C3orf49: variants seen among roughly 807,000 people sequenced by gnomAD.
C3orf49 encodes the protein putative uncharacterized protein C3orf49.
Under a neutral mutation model 13.3 loss-of-function variants are expected in C3orf49, and 27 were observed. The ratio of observed to expected loss-of-function variants is 2.02; its 90% CI spans 1.49 to 2.79. The LOEUF is 2.79. C3orf49 is among the 30% of genes most tolerant of loss of function. The pLI, the probability that C3orf49 is intolerant of heterozygous loss-of-function variation, is 0.00. For missense variants in C3orf49, 242 were observed against 134.2 expected (o/e 1.80, Z -3.97); for synonymous variants, 87 against 47.6 (o/e 1.83, Z -3.40).
chr3:63,836,460 T>G, intron 5 of C3orf49: 1 of 1,057,350 alleles, frequency 9.5e-7, no homozygotes, highest in Non-Finnish European at 1.4e-6. Flanking sequence ...ACTTTCCTAG[T>G]ACATCAAGAA....
the C3orf49 span, among the ~76,000 whole-genome samples, chr3:63,791,307 A>G: frequency 1.3e-5 from 2 of 152,228 alleles, no homozygotes; most frequent in African/African-American, 4.8e-5. Flanking sequence ...GTTAGTTACC[A>G]TATTAGGAAA....
chr3:63,791,554 G>A, the C3orf49 span, among the ~76,000 whole-genome samples: 1 of 152,074 alleles, frequency 6.6e-6, no homozygotes, highest in Non-Finnish European at 1.5e-5. Flanking sequence ...GAATGCCTAG[G>A]GAGCTTTTAA....
At chr3:63,826,463 A>T (rs1305062594) in intron 2 of C3orf49, among the ~76,000 whole-genome samples, 3 of 152,078 alleles carry the variant, frequency 2.0e-5, no homozygotes, top group African/African-American at 4.8e-5. Flanking sequence ...AGAGGGAAAA[A>T]TTTCTGGATT....
intron 5 of C3orf49, chr3:63,837,942 T>G (rs768857607): frequency 6.4e-7 from 1 of 1,572,552 alleles, no homozygotes; most frequent in East Asian, 2.3e-5. Flanking sequence ...TCAGTAATAA[T>G]GTATTTGCAC....
chr3:63,800,980 C>T, the C3orf49 span, among the ~76,000 whole-genome samples: 6 of 152,128 alleles, frequency 3.9e-5, no homozygotes, highest in South Asian at 1.0e-3. Context: ...TAAGCAAATG[C>T]TCATCAAGTG....
chr3:63,796,508 T>C, the C3orf49 span, among the ~76,000 whole-genome samples: 1 of 152,176 alleles, frequency 6.6e-6, no homozygotes, highest in Admixed American at 6.6e-5. Flanking sequence ...TCACTATCTT[T>C]GTGGTGCCTT....
intron 3 of C3orf49, among the ~76,000 whole-genome samples, chr3:63,828,356 G>C (rs1425603898): frequency 6.6e-6 from 1 of 152,194 alleles, no homozygotes; most frequent in Non-Finnish European, 1.5e-5. Flanking sequence ...CTGGAGTGCA[G>C]TGGCACAATT....
chr3:63,834,741 C>G (rs969497549), intron 5 of C3orf49, among the ~76,000 whole-genome samples: 1 of 151,980 alleles, frequency 6.6e-6, no homozygotes, highest in Non-Finnish European at 1.5e-5. Context: ...AAAATTTCCA[C>G]TTGCCTATAG....
At position 63,827,600 on chromosome 3, in the gene C3orf49, G is replaced by A. The variant is rs1192872778; in HGVS notation, c.446-1G>A. ...GATTCCTTTTTCCCCCTTTCTTGAAGCGACTATACAACTTGATGTTGTAGA... is the reference window on the plus strand; with the variant it reads ...GATTCCTTTTTCCCCCTTTCTTGAAACGACTATACAACTTGATGTTGTAGA... On this transcript the variant is annotated splice_acceptor_variant, in intron 2 of 6. Transcript: ENST00000295896. LOFTEE classifies it high-confidence loss of function. The A allele has an allele frequency of 7.1e-6, 5 of 700,418 alleles. No homozygotes were observed. The highest frequency in any genetic ancestry group is 6.1e-5 in the Admixed American group (3 of 49,388). The allele number at this position is 700,418 out of a possible 1,614,324, so 43.4% of individuals were successfully genotyped here.
At chr3:63,824,351 G>A (rs904712417) in intron 2 of C3orf49, among the ~76,000 whole-genome samples, 1 of 152,150 alleles carries the variant, frequency 6.6e-6, no homozygotes, top group African/African-American at 2.4e-5. Context: ...TGAATAAAAT[G>A]TATAACTGGT....
rs781553885 is a variant in C3orf49 at position 63,846,220 on chromosome 3, G to GA, written c.*30+1144dup. 1.5e-3 allele frequency: 674 copies of GA among 449,880 alleles called. 2 individuals are homozygous for GA. The highest frequency in any genetic ancestry group is 5.5e-3 in the South Asian group (347 of 63,550). The allele number at this position is 449,880 out of a possible 1,614,324, so 27.9% of individuals were successfully genotyped here. Reference sequence around the variant, plus strand: ...TTTGTCTGAATTGCCTTTCTTCCCTGAAAAAAGCAGTTAAACAGTTTCCTT... The same window carrying GA: ...TTTGTCTGAATTGCCTTTCTTCCCTGAAAAAAAGCAGTTAAACAGTTTCCTT... On this transcript the variant is annotated intron_variant, in intron 6 of 6. Transcript: ENST00000295896.
intron 5 of C3orf49, chr3:63,837,960 C>T (rs1701669102): frequency 6.3e-7 from 1 of 1,599,314 alleles, no homozygotes; most frequent in Non-Finnish European, 8.5e-7. Context: ...CACATTAAAT[C>T]CCTCAAAACC....
chr3:63,785,531 A>C, the C3orf49 span, among the ~76,000 whole-genome samples: 7 of 152,318 alleles, frequency 4.6e-5, no homozygotes, highest in Admixed American at 2.0e-4. Flanking sequence ...TGCAGAACAT[A>C]TGACTGAAAA....
the C3orf49 span, among the ~76,000 whole-genome samples, chr3:63,789,789 C>T: frequency 6.9e-4 from 85 of 122,938 alleles, no homozygotes; most frequent in African/African-American, 1.8e-3. Flanking sequence ...CTAGCCTGGG[C>T]GACAGAGCAA....
intron 5 of C3orf49, 119 bp downstream of exon 5, chr3:63,831,963 G>A (rs938838268): frequency 1.0e-5 from 6 of 587,636 alleles, no homozygotes; most frequent in African/African-American, 9.5e-5. Context: ...GGGAGGCCGA[G>A]CGAGTGGATC....
At chr3:63,780,005 T>A in the C3orf49 span, 1 of 152,226 alleles carries the variant, frequency 6.6e-6, no homozygotes, top group Non-Finnish European at 1.5e-5. Context: ...GTTTTTTAAT[T>A]ATACTTTAAG....
intron 2 of C3orf49, among the ~76,000 whole-genome samples, chr3:63,825,446 T>A (rs1701454596): frequency 6.6e-6 from 1 of 152,226 alleles, no homozygotes; most frequent in Non-Finnish European, 1.5e-5. Context: ...AGCTGTATAT[T>A]TCTGTTGAAA....
At chr3:63,796,280 C>T in the C3orf49 span, among the ~76,000 whole-genome samples, 10 of 152,058 alleles carry the variant, frequency 6.6e-5, no homozygotes, top group African/African-American at 1.9e-4. Context: ...GCCTCTTGAC[C>T]GTCAACTTTT....
At chr3:63,780,942 C>T in the C3orf49 span, among the ~76,000 whole-genome samples, 535 of 152,118 alleles carry the variant, frequency 3.5e-3, 2 homozygotes, top group African/African-American at 0.012. Flanking sequence ...TGTAGGTTGC[C>T]TGTTCACTCT....
Sources: allele counts gnomAD v4.1 joint callset (sites outside exome capture counted in the v4.1 genomes callset), GRCh38; gene constraint gnomAD v4.1.1; transcripts MANE v1.5; gene names NCBI Gene and HGNC (gene_info 2026-07-23, HGNC 2026-07-21).